The following ADSS2 variants were observed in gnomAD, a reference collection of about 807,000 sequenced individuals.
ADSS2 encodes adenylosuccinate synthetase isozyme 2.
ADSS2 carries 30 observed loss-of-function variants against 60.0 expected under a neutral mutation model. The observed-to-expected ratio is 0.50, with a 90% CI of 0.37 to 0.68. ADSS2 has a LOEUF of 0.68. Ranked by LOEUF, ADSS2 falls within the 30% of genes least tolerant of loss-of-function variation. The pLI, the probability that ADSS2 is intolerant of heterozygous loss-of-function variation, is 0.00. For missense variants in ADSS2, 373 were observed against 554.8 expected, an observed-to-expected ratio of 0.67 and a Z score of 3.29; for synonymous variants, 187 against 193.1, an observed-to-expected ratio of 0.97 and a Z score of 0.26.
intron 3 of ADSS2, among the ~76,000 whole-genome samples, chr1:244,433,930 T>C (rs548128900): frequency 3.3e-5 from 5 of 150,634 alleles, no homozygotes; most frequent in Non-Finnish European, 7.4e-5. Context: ...AGTACTACTG[T>C]CAATTACTGT....
At chr1:244,443,825 GGAGTGGCA>G (rs1455023040) in intron 1 of ADSS2, among the ~76,000 whole-genome samples, 4 of 152,194 alleles carry the variant, frequency 2.6e-5, no homozygotes, top group Non-Finnish European at 5.9e-5. Context: ...GCAGGGAGGC[GGAGTGGCA>G]GAGTGGCGGA....
chr1:244,442,132 T>C (rs1414188738), intron 1 of ADSS2, among the ~76,000 whole-genome samples: 1 of 152,192 alleles, frequency 6.6e-6, no homozygotes. Flanking sequence ...TTACTGGTAG[T>C]GAATGACAAT....
intron 1 of ADSS2, among the ~76,000 whole-genome samples, chr1:244,450,987 C>T (rs1454391800): frequency 6.6e-6 from 1 of 152,184 alleles, no homozygotes; most frequent in Non-Finnish European, 1.5e-5. Context: ...ATGTATGGAG[C>T]ACACTGTAAA....
chr1:244,417,805 G>C (rs1275595409), intron 9 of ADSS2, 53 bp from the exon 10 acceptor site: 2 of 1,545,856 alleles, frequency 1.3e-6, no homozygotes, highest in South Asian at 1.1e-5. Flanking sequence ...CTATATATCT[G>C]GTGGAATAAT....
chr1:244,443,136 G>A (rs1336386045), intron 1 of ADSS2, among the ~76,000 whole-genome samples: 2 of 152,152 alleles, frequency 1.3e-5, no homozygotes, highest in African/African-American at 2.4e-5. Flanking sequence ...AGGCCAGATA[G>A]TACCAAACAA....
chr1:244,444,502 G>A (rs1470661625), intron 1 of ADSS2, among the ~76,000 whole-genome samples: 13 of 60,162 alleles, frequency 2.2e-4, no homozygotes, highest in Non-Finnish European at 4.0e-4. Context: ...GCGACAGAGC[G>A]AGACTCCATC....
At chr1:244,434,347 T>C (rs977542624) in intron 3 of ADSS2, among the ~76,000 whole-genome samples, 3 of 150,734 alleles carry the variant, frequency 2.0e-5, no homozygotes, top group Admixed American at 6.6e-5. Flanking sequence ...AGCAAGACCA[T>C]GTCTCCAAAA....
intron 1 of ADSS2, among the ~76,000 whole-genome samples, chr1:244,450,557 CCAT>C (rs1194291219): frequency 3.9e-5 from 6 of 152,208 alleles, no homozygotes; most frequent in African/African-American, 9.6e-5. Flanking sequence ...CAGCATGGCA[CCAT>C]CATATCATGC....
chr1:244,410,835 T>C (rs1454713021), intron 12 of ADSS2, among the ~76,000 whole-genome samples: 1 of 152,248 alleles, frequency 6.6e-6, no homozygotes, highest in African/African-American at 2.4e-5. Flanking sequence ...AATATTACTT[T>C]GTATCTTCCT....
At chr1:244,446,282 AATG>A (rs1176799277) in intron 1 of ADSS2, among the ~76,000 whole-genome samples, 1 of 152,226 alleles carries the variant, frequency 6.6e-6, no homozygotes, top group Non-Finnish European at 1.5e-5. Flanking sequence ...AGCAGTTATA[AATG>A]ATGATTGTTC....
At chr1:244,437,835 A>C in intron 1 of ADSS2, 67 bp from the exon 2 acceptor site, 1 of 1,215,220 alleles carries the variant, frequency 8.2e-7, no homozygotes, top group Non-Finnish European at 1.2e-6. Context: ...TCTCCCTCCA[A>C]AGTGAATTAA....
At chr1:244,428,127 T>C (rs1340430092) in intron 4 of ADSS2, among the ~76,000 whole-genome samples, 1 of 152,216 alleles carries the variant, frequency 6.6e-6, no homozygotes, top group Non-Finnish European at 1.5e-5. Flanking sequence ...TTTGATTTAA[T>C]TGGCATTTAA....
chr1:244,435,916 A>G (rs72767870), intron 3 of ADSS2, among the ~76,000 whole-genome samples: 298 of 152,322 alleles, frequency 2.0e-3, no homozygotes, highest in Non-Finnish European at 3.1e-3. Context: ...CTCCACCTGT[A>G]TTCTATATTT....
At chr1:244,420,103 ATTAT>A (rs2147993320) in intron 8 of ADSS2, 63 bp downstream of exon 8, 1 of 1,475,422 alleles carries the variant, frequency 6.8e-7, no homozygotes, top group East Asian at 2.3e-5. Context: ...GCTAACATTA[ATTAT>A]TTATATTTTA....
chr1:244,423,805 TAATAAA>T (rs199525756), intron 6 of ADSS2, 142 bp downstream of exon 6: 8,623 of 571,580 alleles, frequency 0.015, 98 homozygotes, highest in Non-Finnish European at 0.02. Context: ...AATTAGAATG[TAATAAA>T]AATAACTTTA....
rs1303265135 is a variant in ADSS2, at chr1:244,444,496, C to G, written c.184-6728G>C. On this transcript the variant is annotated intron_variant, in intron 1 of 12. Coordinates refer to ENST00000366535, the MANE Select transcript of ADSS2 (RefSeq NM_001126.5). ...CGCCACTGCACTCCAGCCTGGGCGA[C>G]AGAGCGAGACTCCATCTCAAAAAAA... Among the ~76,000 whole-genome samples, 8 of 73,860 alleles carry G rather than the reference C, an allele frequency of 1.1e-4. No individual in the cohort carries two copies. In the Admixed American group the frequency reaches 1.6e-3, roughly 15 times the overall value. 48.5% of individuals were successfully genotyped at this position (73,860 alleles called of 152,430 possible).
chr1:244,440,316 T>C, intron 1 of ADSS2, among the ~76,000 whole-genome samples: 1 of 152,132 alleles, frequency 6.6e-6, no homozygotes, highest in East Asian at 1.9e-4. Context: ...GTCACAAAAA[T>C]GCTAGAAAAA....
At chr1:244,414,222 T>C (rs773581228) in intron 11 of ADSS2, among the ~76,000 whole-genome samples, 6 of 152,010 alleles carry the variant, frequency 3.9e-5, no homozygotes, top group Non-Finnish European at 7.4e-5. Context: ...TCATTAGGCA[T>C]AGAAACAGTG....
chr1:244,448,431 T>C (rs1474502582), intron 1 of ADSS2, among the ~76,000 whole-genome samples: 1 of 152,210 alleles, frequency 6.6e-6, no homozygotes, highest in Non-Finnish European at 1.5e-5. Flanking sequence ...GGGTGTGCTT[T>C]CCCTTATGAC....
Sources: gnomAD v4.1 joint callset for allele counts (sites outside exome capture counted in the v4.1 genomes callset) on GRCh38, gnomAD v4.1.1 for gene constraint, MANE v1.5 for transcripts, NCBI Gene and HGNC (gene_info 2026-07-23, HGNC 2026-07-21) for gene names.